Variants in WNK3 observed in about 807,000 individuals in gnomAD.
WNK3 encodes serine/threonine-protein kinase WNK3.
A neutral mutation model predicts 116.7 loss-of-function variants in WNK3; 18 were observed. The ratio of observed to expected loss-of-function variants is 0.15; its 90% CI spans 0.11 to 0.23. The LOEUF is 0.23. Among genes scored for constraint, WNK3 ranks in the 10% least tolerant of loss-of-function variants. The pLI is 1.00. For missense variants in WNK3, 993 were observed against 1,323.8 expected, an observed-to-expected ratio of 0.75 and a Z score of 3.88; for synonymous variants, 404 against 469.4, an observed-to-expected ratio of 0.86 and a Z score of 1.80.
intron 22 of WNK3, among the ~76,000 whole-genome samples, chrX:54,221,030 T>C (rs2067755441): frequency 1.8e-5 from 2 of 112,052 alleles, no homozygotes; most frequent in Admixed American, 1.9e-4. Context: ...TTATGTTTTA[T>C]AAGGTGAATT....
At chrX:54,248,907 G>A (rs782748411) in exon 17 of WNK3, 2 of 1,211,228 alleles carry the variant, frequency 1.7e-6, no homozygotes, top group Non-Finnish European at 2.2e-6. Context: ...CTTCAGCAGA[G>A]GAAGAAAATG....
intron 22 of WNK3, among the ~76,000 whole-genome samples, chrX:54,205,140 G>C (rs1557142409): frequency 1.8e-5 from 2 of 110,438 alleles, no homozygotes; most frequent in Admixed American, 2.0e-4. Flanking sequence ...GCTTGAACCT[G>C]GGTGGTGGAG....
At chrX:54,216,660 T>A (rs368906625) in intron 22 of WNK3, among the ~76,000 whole-genome samples, 2 of 111,609 alleles carry the variant, frequency 1.8e-5, no homozygotes, top group East Asian at 2.8e-4. Flanking sequence ...CACTCACTTC[T>A]GGTTGACCTT....
At position 54,244,103 on chromosome X, in the gene WNK3, A is replaced by G. The variant is rs782790758; in HGVS notation, c.3651+4594T>C. ...AGGGAGAATGAATAATGACTGCTTA[A>G]TGGGTATGAAGTTTCTTTTTTTGGG... On this transcript the variant is annotated intron_variant, in intron 17 of 23. Transcript: ENST00000354646. Among the ~76,000 whole-genome samples the G allele has an allele frequency of 3.4e-3, 379 of 111,820 alleles. 1 individual carries two copies. The highest frequency in any genetic ancestry group is 0.012 in the African/African-American group (357 of 30,854).
At chrX:54,197,676 C>T (rs1557140487) in exon 24 of WNK3, 1 of 102,963 alleles carries the variant, frequency 9.7e-6, no homozygotes, top group Non-Finnish European at 2.0e-5. Flanking sequence ...AGCAGTGAGC[C>T]AAGATCACAC....
intron 1 of WNK3, among the ~76,000 whole-genome samples, chrX:54,342,810 T>G (rs1345227344): frequency 9.0e-6 from 1 of 110,550 alleles, no homozygotes; most frequent in African/African-American, 3.3e-5. Context: ...CTTCACTAAG[T>G]ATAACGTATC....
chrX:54,335,862 C>A (rs1321745123), intron 1 of WNK3, among the ~76,000 whole-genome samples: 1 of 111,787 alleles, frequency 8.9e-6, no homozygotes, highest in Non-Finnish European at 1.9e-5. Context: ...TTTGGAGGAT[C>A]CATACTCCTT....
chrX:54,247,123 G>T (rs1312491018), intron 17 of WNK3, among the ~76,000 whole-genome samples: 1 of 110,982 alleles, frequency 9.0e-6, no homozygotes, highest in Admixed American at 9.7e-5. Flanking sequence ...TATTTTAGGG[G>T]AAAAAAGAAG....
chrX:54,283,368 C>T (rs58471193), intron 10 of WNK3, among the ~76,000 whole-genome samples: 2,037 of 112,158 alleles, frequency 0.018, 47 homozygotes, highest in African/African-American at 0.063. Context: ...GATACATGAA[C>T]GACCTATATG....
intron 1 of WNK3, among the ~76,000 whole-genome samples, chrX:54,340,468 G>T (rs2069306199): frequency 1.8e-5 from 2 of 110,114 alleles, no homozygotes; most frequent in Admixed American, 2.0e-4. Context: ...AAATTAGCCG[G>T]GCAGTAGTGG....
chrX:54,299,929 G>A (rs1448708149), intron 6 of WNK3, among the ~76,000 whole-genome samples: 2 of 109,900 alleles, frequency 1.8e-5, no homozygotes, highest in African/African-American at 6.6e-5. Context: ...GCAAGATCTC[G>A]GCTCACTGCA....
At chrX:54,250,542 T>A (rs1264816745) in intron 15 of WNK3, among the ~76,000 whole-genome samples, 4 of 111,884 alleles carry the variant, frequency 3.6e-5, no homozygotes, top group Admixed American at 9.6e-5. Flanking sequence ...TGACATTTTT[T>A]AAAATAAAGT....
intron 6 of WNK3, among the ~76,000 whole-genome samples, chrX:54,300,652 G>A (rs1453110513): frequency 4.5e-5 from 5 of 111,406 alleles, no homozygotes; most frequent in Non-Finnish European, 7.5e-5. Context: ...CATATTTAAA[G>A]GCTGTACAAA....
chrX:54,223,825 C>T (rs1372153239), intron 22 of WNK3: 1 of 130,644 alleles, frequency 7.7e-6, no homozygotes, highest in Non-Finnish European at 1.6e-5. Flanking sequence ...TGCCCTGCAT[C>T]ATAAAATACA....
chrX:54,207,099 A>G (rs2067561848), intron 22 of WNK3, among the ~76,000 whole-genome samples: 1 of 111,291 alleles, frequency 9.0e-6, no homozygotes, highest in Admixed American at 9.6e-5. Context: ...CTTAAAAAAA[A>G]AAAAAGCTTC....
intron 22 of WNK3, among the ~76,000 whole-genome samples, chrX:54,225,434 A>T (rs185943638): frequency 1.3e-3 from 144 of 108,982 alleles, no homozygotes; most frequent in African/African-American, 4.4e-3. Flanking sequence ...CAGCCTGGCC[A>T]ACATGGCAAA....
intron 2 of WNK3, among the ~76,000 whole-genome samples, chrX:54,329,617 A>C (rs372892764): frequency 9.2e-6 from 1 of 108,913 alleles, no homozygotes; most frequent in Admixed American, 9.9e-5. Flanking sequence ...ACAGCACTCC[A>C]GCCTGGGCAA....
At chrX:54,268,760 A>T (rs782467476) in intron 10 of WNK3, among the ~76,000 whole-genome samples, 1 of 111,220 alleles carries the variant, frequency 9.0e-6, no homozygotes, top group South Asian at 3.8e-4. Flanking sequence ...AACCTAGTAA[A>T]TAAAATAAGG....
chrX:54,247,471 T>C (rs1178308023), intron 17 of WNK3, among the ~76,000 whole-genome samples: 1 of 110,320 alleles, frequency 9.1e-6, no homozygotes, highest in African/African-American at 3.3e-5. Flanking sequence ...AGCATATATG[T>C]AAATAAGTAT....
Sources: gnomAD v4.1 joint callset for allele counts (sites outside exome capture counted in the v4.1 genomes callset) on GRCh38, gnomAD v4.1.1 for gene constraint, MANE v1.5 for transcripts, NCBI Gene and HGNC (gene_info 2026-07-23, HGNC 2026-07-21) for gene names.